RORB: variants seen among roughly 807,000 people sequenced by gnomAD.
RORB encodes nuclear receptor ROR-beta.
A neutral mutation model predicts 59.1 loss-of-function variants in RORB; 6 were observed. The ratio of observed to expected loss-of-function variants is 0.10; its 90% confidence interval spans 0.06 to 0.20. The LOEUF (loss-of-function observed/expected upper bound fraction) is 0.20, where lower values mean the gene tolerates loss of function less well. Ranked by LOEUF, RORB falls within the 10% of genes least tolerant of loss-of-function variation. The pLI is 1.00. For missense variants in RORB, 320 were observed against 560.5 expected, an observed-to-expected ratio of 0.57 and a Z score of 4.33; for synonymous variants, 215 against 204.5, an observed-to-expected ratio of 1.05 and a Z score of -0.44.
At chr9:74,643,982 T>C (rs1381809793) in intron 4 of RORB, among the ~76,000 whole-genome samples, 1 of 152,244 alleles carries the variant, frequency 6.6e-6, no homozygotes, top group Non-Finnish European at 1.5e-5. Flanking sequence ...GTGTAAACCA[T>C]AGCAAGGTTT....
chr9:74,630,475 C>T, intron 2 of RORB, 108 bp downstream of exon 2: 1 of 687,444 alleles, frequency 1.5e-6, no homozygotes. Context: ...GATCCTTCTG[C>T]CTGCTGCTGA....
rs1461999024 is a variant in RORB at position 74,615,352 on chromosome 9, A to T, written c.8-14930A>T. 6.6e-5 allele frequency among the ~76,000 whole-genome samples: 10 copies of T among 152,348 alleles called. No homozygotes were observed. The East Asian group carries it at 1.9e-3, about 29-fold the overall frequency. On this transcript the variant is annotated intron_variant, in intron 1 of 9. Transcript: ENST00000376896. ...CTGATTGCTATTAAGCAAATGCTGCATTCTTTAGCGAATAAGTAGCATCAA... is the reference window on the plus strand; with the variant it reads ...CTGATTGCTATTAAGCAAATGCTGCTTTCTTTAGCGAATAAGTAGCATCAA...
chr9:74,575,455 C>T (rs1265179861), intron 1 of RORB, among the ~76,000 whole-genome samples: 1 of 151,992 alleles, frequency 6.6e-6, no homozygotes, highest in East Asian at 1.9e-4. Context: ...TCTGAAGCCC[C>T]CTGAGCAGTA....
chr9:74,497,911 T>G lies in RORB; in HGVS notation c.-66T>G. The G allele has an allele frequency of 6.3e-7, 1 of 1,593,462 alleles. No individual in the cohort carries two copies. Among genetic ancestry groups the G allele is most frequent in the Non-Finnish European group, 8.6e-7 (1 of 1,168,310 alleles). ...CTTCACTCGTGCTGAGCGGGATTTT[T>G]GGGCTCTCCGGGGTTCGGGCTGGGA... is the stretch of plus-strand genomic sequence containing the variant. On this transcript the variant is annotated 5_prime_UTR_variant, in exon 1 of 10. Coordinates refer to ENST00000376896, the MANE Select transcript of RORB (RefSeq NM_006914.4).
chr9:74,665,407 C>G, intron 6 of RORB, 81 bp from the exon 7 acceptor site: 2 of 742,942 alleles, frequency 2.7e-6, no homozygotes. Flanking sequence ...AGTCTCTTAC[C>G]TATATGCAGT....
rs548325843 is a variant in RORB, at chr9:74,537,515, G to A, written c.7+39532G>A. Among the ~76,000 whole-genome samples, 10 of 151,538 alleles carry A rather than the reference G, an allele frequency of 6.6e-5. No homozygotes were observed. The South Asian group carries it at 1.9e-3, about 28-fold the overall frequency. ...GAGTTGAAAAAAAATCATCAAACAGGTGTTTGTTTTCTTAAAAACACAAAT... is the reference window on the plus strand; with the variant it reads ...GAGTTGAAAAAAAATCATCAAACAGATGTTTGTTTTCTTAAAAACACAAAT... On this transcript the variant is annotated intron_variant, in intron 1 of 9. Transcript: ENST00000376896.
intron 3 of RORB, among the ~76,000 whole-genome samples, chr9:74,641,754 A>G (rs1482853719): frequency 6.6e-6 from 1 of 151,868 alleles, no homozygotes; most frequent in African/African-American, 2.4e-5. Flanking sequence ...TAAAAAAAAA[A>G]AAAATAGCTG....
chr9:74,544,228 A>G (rs561668306), intron 1 of RORB, among the ~76,000 whole-genome samples: 108 of 152,296 alleles, frequency 7.1e-4, no homozygotes, highest in African/African-American at 2.5e-3. Flanking sequence ...TGATTTGAGG[A>G]CACAGCTATT....
chr9:74,550,924 A>G (rs138585046), intron 1 of RORB, among the ~76,000 whole-genome samples: 1 of 152,372 alleles, frequency 6.6e-6, no homozygotes, highest in Non-Finnish European at 1.5e-5. Flanking sequence ...TAACTATTTT[A>G]TTAATAATTT....
At chr9:74,546,155 C>A (rs1402470435) in intron 1 of RORB, among the ~76,000 whole-genome samples, 7 of 152,270 alleles carry the variant, frequency 4.6e-5, no homozygotes, top group Non-Finnish European at 2.9e-5. Flanking sequence ...AGATTTCAAA[C>A]TGCCATGATG....
chr9:74,691,625 CTG>C lies in RORB; in HGVS notation c.*6008_*6009del, dbSNP rs1410253483. 6.6e-6 allele frequency: 1 copy of C among 152,086 alleles called. No individual in the cohort carries two copies. The highest frequency in any genetic ancestry group is 2.4e-5 in the African/African-American group (1 of 41,404). 9.4% of individuals were successfully genotyped at this position (152,086 alleles called of 1,614,324 possible). A position where few individuals can be genotyped will look rare whatever the true frequency, so the allele number is the denominator to read the frequency against. ...TCTCTGTAATTTTTGCTGTAAATAA[CTG>C]GAGACGGTGAGTACACTGATTTTTC... is the stretch of plus-strand genomic sequence containing the variant. On this transcript the variant is annotated 3_prime_UTR_variant, in exon 10 of 10. Transcript: ENST00000376896.
chr9:74,586,476 T>A (rs1298437489), intron 1 of RORB, among the ~76,000 whole-genome samples: 1 of 152,016 alleles, frequency 6.6e-6, no homozygotes, highest in African/African-American at 2.4e-5. Context: ...CCAGCCTGGG[T>A]GACAGAATGA....
chr9:74,653,681 A>T (rs1336136985), intron 4 of RORB, among the ~76,000 whole-genome samples: 2 of 152,168 alleles, frequency 1.3e-5, no homozygotes, highest in Non-Finnish European at 2.9e-5. Flanking sequence ...TAACACCGAA[A>T]GCAGCAGTTT....
intron 1 of RORB, among the ~76,000 whole-genome samples, chr9:74,590,708 A>G (rs1236210029): frequency 1.3e-5 from 2 of 152,228 alleles, no homozygotes; most frequent in African/African-American, 4.8e-5. Flanking sequence ...TTTTGCAGAC[A>G]TACATCGTTG....
At chr9:74,625,695 T>C (rs1823500571) in intron 1 of RORB, among the ~76,000 whole-genome samples, 2 of 152,208 alleles carry the variant, frequency 1.3e-5, no homozygotes, top group Admixed American at 1.3e-4. Flanking sequence ...ATAAAACACT[T>C]AGAACCACTA....
At chr9:74,585,655 C>G (rs903345080) in intron 1 of RORB, among the ~76,000 whole-genome samples, 11 of 152,238 alleles carry the variant, frequency 7.2e-5, no homozygotes, top group Middle Eastern at 3.4e-3. Flanking sequence ...GTCAACTAGT[C>G]CCTTTTTTCT....
intron 4 of RORB, among the ~76,000 whole-genome samples, chr9:74,649,103 A>G (rs1489999991): frequency 6.6e-6 from 1 of 151,844 alleles, no homozygotes; most frequent in Non-Finnish European, 1.5e-5. Flanking sequence ...AGCTGGGATT[A>G]CAGGCCTGGC....
In RORB at chr9:74,559,644, CAGG is replaced by C. The variant is rs1436378168; in HGVS notation, c.7+61663_7+61665del. ...CAGACTGGATTTTTATACACAAAGA[CAGG>C]ACCTTTGGACTTTAAAGATCACTCA... On this transcript the variant is annotated intron_variant, in intron 1 of 9. Transcript: ENST00000376896. Among the ~76,000 whole-genome samples the C allele has an allele frequency of 4.6e-5, 7 of 152,192 alleles. No homozygotes were observed. In the South Asian group the frequency reaches 1.0e-3, roughly 23 times the overall value.
At chr9:74,637,154 C>T (rs1441982462) in intron 3 of RORB, among the ~76,000 whole-genome samples, 1 of 152,096 alleles carries the variant, frequency 6.6e-6, no homozygotes, top group African/African-American at 2.4e-5. Context: ...AGTGAGGTGC[C>T]CTCATACCTA....
Sources: allele counts gnomAD v4.1 joint callset (sites outside exome capture counted in the v4.1 genomes callset), GRCh38; gene constraint gnomAD v4.1.1; transcripts MANE v1.5; gene names NCBI Gene and HGNC (gene_info 2026-07-23, HGNC 2026-07-21).